PECAM1: variants seen among roughly 807,000 people sequenced by gnomAD.
PECAM1 encodes platelet and endothelial cell adhesion molecule 1, also known as platelet endothelial cell adhesion molecule.
In PECAM1, 8 loss-of-function variants were observed where a neutral mutation model predicts 13.8. The ratio of observed to expected loss-of-function variants is 0.58; its 90% confidence interval spans 0.34 to 1.05. The LOEUF is 1.05. Among genes scored for constraint, PECAM1 ranks in the 50% least tolerant of loss-of-function variants. The pLI is 0.03. For synonymous variants in PECAM1, 136 were observed against 52.6 expected, an observed-to-expected ratio of 2.58 and a Z score of -6.86; for missense variants, 304 against 141.2, an observed-to-expected ratio of 2.15 and a Z score of -5.84.
At position 64,323,115 on chromosome 17, in the gene PECAM1, C is replaced by A; in HGVS notation, c.*701G>T. ...CATCTTCCTGTCTTTCAGCCTTCAG[C>A]ATGGTAGAGGAAAAGAGAAAGAGTG... On this transcript the variant is annotated 3_prime_UTR_variant, in exon 16 of 16. Coordinates refer to ENST00000563924, the MANE Select transcript of PECAM1 (RefSeq NM_000442.5). 1.0e-6 allele frequency: 1 copy of A among 985,152 alleles called. No homozygotes were observed. Among genetic ancestry groups the A allele is most frequent in the Non-Finnish European group, 1.2e-6 (1 of 829,656 alleles). 61.0% of individuals were successfully genotyped at this position (985,152 alleles called of 1,614,324 possible).
chr17:64,326,025 G>A (rs1322203163), intron 15 of PECAM1, among the ~76,000 whole-genome samples: 1 of 152,208 alleles, frequency 6.6e-6, no homozygotes, highest in Admixed American at 6.5e-5. Flanking sequence ...GAGGCACTGA[G>A]AGGGCTCTGG....
At chr17:64,372,227 A>G (rs2036257932) in intron 4 of PECAM1, among the ~76,000 whole-genome samples, 1 of 152,268 alleles carries the variant, frequency 6.6e-6, no homozygotes, top group Non-Finnish European at 1.5e-5. Flanking sequence ...TGGTCAACAT[A>G]GCAAGACCCT....
intron 12 of PECAM1, among the ~76,000 whole-genome samples, chr17:64,349,622 C>T (rs1241042784): frequency 7.0e-6 from 1 of 143,830 alleles, no homozygotes; most frequent in Non-Finnish European, 1.5e-5. Context: ...CGCAGTGGCT[C>T]GCGCCTGTAA....
intron 14 of PECAM1, among the ~76,000 whole-genome samples, chr17:64,330,190 TG>T (rs879957650): frequency 2.0e-5 from 3 of 152,056 alleles, no homozygotes; most frequent in Non-Finnish European, 2.9e-5. Context: ...TAATTTTTTT[TG>T]TATTTTTTGT....
At chr17:64,341,264 CAA>C (rs1397695290) in intron 14 of PECAM1, among the ~76,000 whole-genome samples, 6 of 136,166 alleles carry the variant, frequency 4.4e-5, no homozygotes, top group Non-Finnish European at 6.4e-5. Flanking sequence ...ACTCCATATC[CAA>C]AAAAAAAAAA....
chr17:64,377,260 C>A (rs2036380866), intron 3 of PECAM1, among the ~76,000 whole-genome samples: 1 of 152,172 alleles, frequency 6.6e-6, no homozygotes. Context: ...CAGAGCTGTA[C>A]TGACTGGCAC....
intron 4 of PECAM1, among the ~76,000 whole-genome samples, chr17:64,374,057 C>T (rs2036301755): frequency 6.6e-6 from 1 of 152,178 alleles, no homozygotes; most frequent in African/African-American, 2.4e-5. Flanking sequence ...GAGGCCAAGG[C>T]TGAGGACCTG....
At chr17:64,327,364 CATT>C (rs2143667569) in intron 15 of PECAM1, among the ~76,000 whole-genome samples, 1 of 152,354 alleles carries the variant, frequency 6.6e-6, no homozygotes, top group East Asian at 1.9e-4. Flanking sequence ...CTCTTATCAT[CATT>C]GTCATCACCA....
intron 7 of PECAM1, among the ~76,000 whole-genome samples, chr17:64,357,604 T>C (rs1468989986): frequency 6.6e-6 from 1 of 152,158 alleles, no homozygotes; most frequent in Non-Finnish European, 1.5e-5. Context: ...GAAGCCAAGC[T>C]CCGGGCCTGG....
At chr17:64,382,401 CATACA>C in intron 2 of PECAM1, among the ~76,000 whole-genome samples, 2 of 152,294 alleles carry the variant, frequency 1.3e-5, no homozygotes, top group East Asian at 3.9e-4. Context: ...TTTGCTTATC[CATACA>C]ATAGGCACAA....
In PECAM1 at chr17:64,387,307, G is replaced by T. The variant is rs1182870070; in HGVS notation, c.91+3182C>A. 3.3e-5 allele frequency among the ~76,000 whole-genome samples: 5 copies of T among 152,180 alleles called. 1 individual carries two copies. The highest frequency in any genetic ancestry group is 7.2e-5 in the African/African-American group (3 of 41,440). ...GAGAAGTGGGGCCTGAGGCCAGGCT[G>T]CTGGGAGGCGAGGCGTGTCTGAGAG... On this transcript the variant is annotated intron_variant, in intron 2 of 15. Coordinates refer to ENST00000563924, the MANE Select transcript of PECAM1 (RefSeq NM_000442.5).
At chr17:64,336,531 G>T (rs1334723993) in intron 14 of PECAM1, among the ~76,000 whole-genome samples, 2 of 152,200 alleles carry the variant, frequency 1.3e-5, no homozygotes, top group Non-Finnish European at 2.9e-5. Context: ...AAGTCCCAGA[G>T]AATTTAGGAG....
At position 64,357,002 on chromosome 17, in the gene PECAM1, C is replaced by CCCCCAACCAACGT. The variant is rs1330968902; in HGVS notation, c.1493-605_1493-604insACGTTGGTTGGGG. Among the ~76,000 whole-genome samples, 3 of 152,268 alleles carry CCCCCAACCAACGT rather than the reference C, an allele frequency of 2.0e-5. No individual in the cohort carries two copies. The East Asian group carries it at 5.8e-4, about 29-fold the overall frequency. ...GATTCCCCAACCAACGTCCCTGAGT[C>CCCCCAACCAACGT]CCCTGCTGATTAAATTCAGTGGTGG... On this transcript the variant is annotated intron_variant, in intron 7 of 15. Transcript: ENST00000563924.
In PECAM1 at chr17:64,362,584, G is replaced by A. The variant is rs1366397913; in HGVS notation, c.1216+565C>T. ...GGAGAATGGCGTGAACCCAGGAGGC[G>A]GAGCTTGCAGTGAGCCCAGATTGTG... On this transcript the variant is annotated intron_variant, in intron 6 of 15. Coordinates refer to ENST00000563924, the MANE Select transcript of PECAM1 (RefSeq NM_000442.5). Among the ~76,000 whole-genome samples, 10 of 152,066 alleles carry A rather than the reference G, an allele frequency of 6.6e-5. No homozygotes were observed. The East Asian group carries it at 7.7e-4, about 12-fold the overall frequency.
At chr17:64,369,558 AACACGC>A (rs2036191659) in intron 5 of PECAM1, among the ~76,000 whole-genome samples, 186 bp downstream of exon 5, 1 of 152,144 alleles carries the variant, frequency 6.6e-6, no homozygotes, top group Non-Finnish European at 1.5e-5. Context: ...CTGTACCCTC[AACACGC>A]ACAGTAGACT....
At chr17:64,344,380 G>A (rs1440898978) in intron 13 of PECAM1, among the ~76,000 whole-genome samples, 3 of 152,092 alleles carry the variant, frequency 2.0e-5, no homozygotes, top group African/African-American at 7.2e-5. Context: ...GGATGTTTCC[G>A]GATGGGGCTT....
chr17:64,327,776 G>A (rs542375177), intron 15 of PECAM1, among the ~76,000 whole-genome samples: 9 of 152,206 alleles, frequency 5.9e-5, no homozygotes, highest in African/African-American at 1.9e-4. Flanking sequence ...CTTTGGCTAC[G>A]TGGCTATCTC....
intron 6 of PECAM1, 34 bp downstream of exon 6, chr17:64,363,115 T>C (rs45563735): frequency 0.91 from 430,222 of 475,156 alleles, 204,289 homozygotes; most frequent in East Asian, 1. Flanking sequence ...CATTCAACCC[T>C]GGATGTCCTC....
At position 64,377,988 on chromosome 17, in the gene PECAM1, A is replaced by C; in HGVS notation, c.221T>G (p.Leu74Arg). 1 of 475,376 alleles carries C rather than the reference A, an allele frequency of 2.1e-6. No individual in the cohort carries two copies. Among genetic ancestry groups the C allele is most frequent in the Non-Finnish European group, 3.9e-6 (1 of 259,046 alleles). 29.4% of individuals were successfully genotyped at this position (475,376 alleles called of 1,614,324 possible). A position where few individuals can be genotyped will look rare whatever the true frequency, so the allele number is the denominator to read the frequency against. ...TSHVKPQHQM[L>R]FYKDDVLFYN... ...AAACAGCACGTCATCCTTATAGAACAGCATCTGGTGCTGAGGCTTGACGTG... is the reference window on the plus strand; with the variant it reads ...AAACAGCACGTCATCCTTATAGAACCGCATCTGGTGCTGAGGCTTGACGTG... Residue 74 changes from leucine (L) to arginine (R), a missense_variant, in exon 3 of 16, where the codon CTG becomes CGG. Coordinates refer to ENST00000563924, the MANE Select transcript of PECAM1 (RefSeq NM_000442.5).
Sources: gnomAD v4.1 joint callset for allele counts (sites outside exome capture counted in the v4.1 genomes callset) on GRCh38, gnomAD v4.1.1 for gene constraint, MANE v1.5 for transcripts, NCBI Gene and HGNC (gene_info 2026-07-23, HGNC 2026-07-21) for gene names.